TEX15: variants seen among roughly 807,000 people sequenced by gnomAD.
TEX15 encodes the protein testis-expressed protein 15.
Under a neutral mutation model 237.3 loss-of-function variants are expected in TEX15, and 171 were observed. That is an observed-to-expected ratio of 0.72 (90% CI 0.64 to 0.82). The LOEUF (loss-of-function observed/expected upper bound fraction) is 0.82. Ranked by LOEUF, TEX15 falls within the 40% of genes least tolerant of loss-of-function variation. TEX15 has a pLI of 0.00. For missense variants in TEX15, 3,750 were observed against 3,646.5 expected (o/e 1.03, Z -0.73); for synonymous variants, 1,338 against 1,269.8 (o/e 1.05, Z -1.14).
At chr8:30,833,392 A>T in intron 10 of TEX15, 69 bp from the exon 11 acceptor site, 1 of 1,211,694 alleles carries the variant, frequency 8.3e-7, no homozygotes, top group Non-Finnish European at 1.2e-6. Context: ...ACTATAGTGG[A>T]AAGAACCTGA....
At chr8:30,870,127 T>C (rs536431109) in intron 4 of TEX15, among the ~76,000 whole-genome samples, 2 of 151,844 alleles carry the variant, frequency 1.3e-5, no homozygotes, top group East Asian at 3.9e-4. Context: ...TGCTTGTGGG[T>C]TTTTAATTTT....
chr8:30,888,523 C>A, intron 2 of TEX15: 1 of 870,936 alleles, frequency 1.1e-6, no homozygotes, highest in Non-Finnish European at 1.6e-6. Flanking sequence ...CAACCTCCAT[C>A]CCCTGCCAAA....
chr8:30,883,551 C>T (rs4546616), intron 3 of TEX15, among the ~76,000 whole-genome samples: 17,683 of 151,908 alleles, frequency 0.12, 1,714 homozygotes, highest in African/African-American at 0.27. Flanking sequence ...TTTCCCTCCC[C>T]GTGTCCATGT....
At chr8:30,869,823 T>C (rs1424480256) in intron 4 of TEX15, among the ~76,000 whole-genome samples, 1 of 151,994 alleles carries the variant, frequency 6.6e-6, no homozygotes, top group African/African-American at 2.4e-5. Flanking sequence ...ACCTGCTTGA[T>C]AACGTAACTG....
Position 30,847,390 on chromosome 8 carries a change from C to A in TEX15, c.2777G>T (p.Cys926Phe), listed in dbSNP as rs1328099140. Residue 926 changes from cysteine (C) to phenylalanine (F), a missense_variant, in exon 8 of 11, where the codon TGC becomes TTC. Cys to Phe is a radical substitution (Grantham distance 205, BLOSUM62 -2). Coordinates refer to ENST00000643185, the MANE Select transcript of TEX15 (RefSeq NM_001350162.2). ...TGCTGACACTGCATTATCTTCTCTG[C>A]AAATCAAGTTAAATTTAGTAGAAAA... ...EEFSTKFNLICREDNAVSAAT... is the reference protein window; with the variant it reads ...EEFSTKFNLIFREDNAVSAAT... The A allele has an allele frequency of 5.6e-6, 9 of 1,612,928 alleles. No homozygotes were observed. The highest frequency in any genetic ancestry group is 1.3e-5 in the African/African-American group (1 of 74,828).
rs1807536252 is a variant in TEX15 at position 30,844,275 on chromosome 8, G to A, written c.5892C>T (p.His1964=). The A allele has an allele frequency of 1.2e-6, 2 of 1,613,254 alleles. No individual in the cohort carries two copies. The highest frequency in any genetic ancestry group is 1.7e-6 in the Non-Finnish European group (2 of 1,179,550). ...GAGTAGGGACTTTACAGGTTTCAGA[G>A]TGGGCAGGTAAAATAGGCGTATGAT... ...GVNHTPILPA[H]SETCKVPTLL... Residue 1964 remains histidine, a synonymous_variant, in exon 8 of 11, where the codon CAC becomes CAT. Transcript: ENST00000643185.
intron 1 of TEX15, among the ~76,000 whole-genome samples, chr8:30,911,821 G>C: frequency 6.6e-6 from 1 of 152,168 alleles, no homozygotes; most frequent in East Asian, 1.9e-4. Flanking sequence ...CCCGAGCGCG[G>C]AGAGGATGGA....
chr8:30,852,672 T>C (rs1027175753), intron 7 of TEX15, among the ~76,000 whole-genome samples: 2 of 151,962 alleles, frequency 1.3e-5, no homozygotes, highest in Non-Finnish European at 2.9e-5. Context: ...ATACCACCTG[T>C]TTCCCTAAAA....
At chr8:30,910,557 A>G (rs1809195060) in intron 1 of TEX15, among the ~76,000 whole-genome samples, 1 of 144,376 alleles carries the variant, frequency 6.9e-6, no homozygotes, top group South Asian at 2.2e-4. Flanking sequence ...CAATCTTCCC[A>G]TTTTAGCATC....
intron 1 of TEX15, among the ~76,000 whole-genome samples, chr8:30,910,170 C>T (rs1162345757): frequency 6.9e-6 from 1 of 145,966 alleles, no homozygotes; most frequent in African/African-American, 2.5e-5. Context: ...TCCTTCGGTA[C>T]AATAAAAAAA....
chr8:30,865,551 C>T (rs1808145702), intron 5 of TEX15, among the ~76,000 whole-genome samples: 1 of 152,040 alleles, frequency 6.6e-6, no homozygotes, highest in Non-Finnish European at 1.5e-5. Context: ...AAATCCTCAA[C>T]AAAAGATTAG....
Position 30,875,041 on chromosome 8 carries a change from G to A in TEX15, c.198C>T (p.Asn66=). The A allele has an allele frequency of 2.2e-6, 3 of 1,349,816 alleles. No individual in the cohort carries two copies. The highest frequency in any genetic ancestry group is 2.9e-6 in the Non-Finnish European group (3 of 1,047,852). 83.6% of individuals were successfully genotyped at this position (1,349,816 alleles called of 1,614,324 possible). The change falls in exon 4 of 11, where the codon AAC becomes AAT. Residue 66 remains asparagine, a synonymous_variant. Coordinates refer to ENST00000643185, the MANE Select transcript of TEX15 (RefSeq NM_001350162.2). ...CACAGTTTACATCAAGCCTGCACTGGTTAAGAGTATCATGTATAAAACTAT... is the reference window on the plus strand; with the variant it reads ...CACAGTTTACATCAAGCCTGCACTGATTAAGAGTATCATGTATAAAACTAT... The part of the protein sequence containing the change: ...REYSFIHDTL[N]QCRLDVNCDL...
At position 30,842,097 on chromosome 8, in the gene TEX15, A is replaced by C; in HGVS notation, c.8070T>G (p.Asn2690Lys). 1 of 1,613,648 alleles carries C rather than the reference A, an allele frequency of 6.2e-7. No homozygotes were observed. The highest frequency in any genetic ancestry group is 1.3e-5 in the African/African-American group (1 of 75,020). Residue 2690 changes from asparagine (N) to lysine (K), a missense_variant, in exon 8 of 11, where the codon AAT becomes AAG. Coordinates refer to ENST00000643185, the MANE Select transcript of TEX15 (RefSeq NM_001350162.2). ...CAGTGCTCGGTCGTTTTTTAGAGGA[A>C]TTTGAGATGTTTTTGTTTATGCACT... ...VSECINKNIS[N>K]SSKKRPSTVD... is the part of the protein sequence containing the mutation.
At chr8:30,885,720 A>AT (rs1260473714) in intron 3 of TEX15, among the ~76,000 whole-genome samples, 1 of 152,206 alleles carries the variant, frequency 6.6e-6, no homozygotes. Context: ...GATGTCTATT[A>AT]TATCAAGTTG....
At chr8:30,872,620 C>CACCTGAAGACCTTCCAGT (rs1808314931) in intron 4 of TEX15, among the ~76,000 whole-genome samples, 1 of 152,038 alleles carries the variant, frequency 6.6e-6, no homozygotes, top group African/African-American at 2.4e-5. Flanking sequence ...CACGTTACTG[C>CACCTGAAGACCTTCCAGT]ACCTGAAGAC....
rs80002096 is a variant in TEX15, at chr8:30,894,922, A to C, written c.-10+3820T>G. Among the ~76,000 whole-genome samples, 66 of 152,312 alleles carry C rather than the reference A, an allele frequency of 4.3e-4. No individual in the cohort carries two copies. The East Asian group carries it at 0.013, about 29-fold the overall frequency. Reference sequence around the variant, plus strand: ...CACCATGTGAAGATGCAGCGAAAAGACAGCTGTCTGTGGACCAGGAAGCAG... The same window carrying C: ...CACCATGTGAAGATGCAGCGAAAAGCCAGCTGTCTGTGGACCAGGAAGCAG... On this transcript the variant is annotated intron_variant, in intron 2 of 10. Coordinates refer to ENST00000643185, the MANE Select transcript of TEX15 (RefSeq NM_001350162.2).
In TEX15 at chr8:30,839,904, A is replaced by G; in HGVS notation, c.8222+2T>C. ...CCACATAGGGCTGATGGGAACTCCT[A>G]CCTTGGATGCTTGAATGTTGCCTTT... On this transcript the variant is annotated splice_donor_variant, in intron 9 of 10. Coordinates refer to ENST00000643185, the MANE Select transcript of TEX15 (RefSeq NM_001350162.2). LOFTEE classifies it high-confidence loss of function. 1 of 1,600,144 alleles carries G rather than the reference A, an allele frequency of 6.2e-7. No individual in the cohort carries two copies.
Position 30,842,988 on chromosome 8 carries a change from T to A in TEX15, c.7179A>T (p.Arg2393Ser), listed in dbSNP as rs1282882756. 2 of 1,613,326 alleles carry A rather than the reference T, an allele frequency of 1.2e-6. No homozygotes were observed. Among genetic ancestry groups the A allele is most frequent in the Admixed American group, 3.3e-5 (2 of 59,964 alleles). Residue 2393 changes from arginine (R) to serine (S), a missense_variant, in exon 8 of 11, where the codon AGA (arginine) becomes AGT (serine). Arg to Ser is a moderately radical substitution (Grantham distance 110, BLOSUM62 -1). Coordinates refer to ENST00000643185, the MANE Select transcript of TEX15 (RefSeq NM_001350162.2). The stretch of plus-strand genomic sequence containing the variant: ...TTAAAATTTCTAAGTGATCTGTACA[T>A]CTCAAGGTGAGATCCTGTAATTTTT... ...DLKKLQDLTL[R>S]CTDHLEILKK...
At chr8:30,866,200 G>A (rs1160791512) in intron 5 of TEX15, among the ~76,000 whole-genome samples, 1 of 151,972 alleles carries the variant, frequency 6.6e-6, no homozygotes, top group African/African-American at 2.4e-5. Context: ...AGTTGCAAAT[G>A]CTGCACTCTG....
Sources: gnomAD v4.1 joint callset for allele counts (sites outside exome capture counted in the v4.1 genomes callset) on GRCh38, gnomAD v4.1.1 for gene constraint, MANE v1.5 for transcripts, NCBI Gene and HGNC (gene_info 2026-07-23, HGNC 2026-07-21) for gene names.